The following KCNQ3 variants were observed in gnomAD, a reference collection of about 807,000 sequenced individuals.
KCNQ3 encodes the protein potassium voltage-gated channel subfamily Q member 3.
A neutral mutation model predicts 92.5 loss-of-function variants in KCNQ3; 30 were observed. The observed-to-expected ratio is 0.32, with a 90% CI of 0.24 to 0.44. The LOEUF (loss-of-function observed/expected upper bound fraction) is 0.44. Among genes scored for constraint, KCNQ3 ranks in the 20% least tolerant of loss-of-function variants. The pLI, the probability that KCNQ3 is intolerant of heterozygous loss-of-function variation, is 1.00. For synonymous variants in KCNQ3, 450 were observed against 468.8 expected (o/e 0.96, Z 0.52); for missense variants, 913 against 1,140.3 (o/e 0.80, Z 2.87).
intron 1 of KCNQ3, among the ~76,000 whole-genome samples, chr8:132,449,371 C>T (rs1821768139): frequency 6.6e-6 from 1 of 151,930 alleles, no homozygotes; most frequent in Non-Finnish European, 1.5e-5. Flanking sequence ...CACTGTAGAC[C>T]ACTGTGGTCT....
Position 132,480,670 on chromosome 8 carries a change from ACCCC to A in KCNQ3, c.-142_-139del. ...TGCCATGATCCGCGCGCCCCTCCCC[ACCCC>A]CCCCCAAAAGCAGGCAAAGGCGGGC... On this transcript the variant is annotated 5_prime_UTR_variant, in exon 1 of 15. Transcript: ENST00000388996. 1.4e-6 allele frequency: 1 copy of A among 723,894 alleles called. No homozygotes were observed. The highest frequency in any genetic ancestry group is 1.7e-6 in the Non-Finnish European group (1 of 599,892). The allele number at this position is 723,894 out of a possible 1,614,324, so 44.8% of individuals were successfully genotyped here.
At chr8:132,455,902 T>A (rs1189446629) in intron 1 of KCNQ3, among the ~76,000 whole-genome samples, 3 of 151,894 alleles carry the variant, frequency 2.0e-5, no homozygotes, top group Non-Finnish European at 4.4e-5. Context: ...CCACCAAGCC[T>A]GGCTAATTTT....
Position 132,128,507 on chromosome 8 carries a change from ATG to A in KCNQ3, c.*753_*754del, listed in dbSNP as rs35230760. The A allele has an allele frequency of 0.25, 36,626 of 145,058 alleles. 4,462 individuals are homozygous for A. The highest frequency in any genetic ancestry group is 0.37 in the South Asian group (1,666 of 4,448). 9.0% of individuals were successfully genotyped at this position (145,058 alleles called of 1,614,324 possible). On this transcript the variant is annotated 3_prime_UTR_variant, in exon 15 of 15. Coordinates refer to ENST00000388996, the MANE Select transcript of KCNQ3 (RefSeq NM_004519.4). ...ATTGGAAACTATTTTAACTTTGTGTATGTGTGTGTGTGTGTGTGTGTGTGTGT... is the reference window on the plus strand; with the variant it reads ...ATTGGAAACTATTTTAACTTTGTGTATGTGTGTGTGTGTGTGTGTGTGTGT...
At chr8:132,187,927 AT>A (rs1827051642) in intron 1 of KCNQ3, among the ~76,000 whole-genome samples, 1 of 133,252 alleles carries the variant, frequency 7.5e-6, no homozygotes, top group African/African-American at 3.0e-5. Flanking sequence ...GTTGGTGGTG[AT>A]AGTGATGGTG....
intron 1 of KCNQ3, among the ~76,000 whole-genome samples, chr8:132,199,938 GT>G: frequency 6.7e-6 from 1 of 148,886 alleles, no homozygotes; most frequent in East Asian, 2.0e-4. Flanking sequence ...GTGTAAATAT[GT>G]AAAAGTGCCT....
chr8:132,141,482 C>T, intron 9 of KCNQ3, 151 bp from the exon 10 acceptor site: 3 of 747,956 alleles, frequency 4.0e-6, no homozygotes, highest in South Asian at 1.5e-5. Flanking sequence ...AGCTTGGAAT[C>T]GGACAGGGCG....
intron 12 of KCNQ3, among the ~76,000 whole-genome samples, chr8:132,135,926 C>T (rs947439999): frequency 6.6e-6 from 1 of 151,776 alleles, no homozygotes; most frequent in Non-Finnish European, 1.5e-5. Context: ...TCGAGATCAG[C>T]CTGGCCAGCA....
chr8:132,366,736 T>C (rs776353315), intron 1 of KCNQ3, among the ~76,000 whole-genome samples: 1 of 152,232 alleles, frequency 6.6e-6, no homozygotes, highest in South Asian at 2.1e-4. Flanking sequence ...ATGCTTGTTC[T>C]CTTTATATCA....
chr8:132,393,238 C>A (rs1360533837), intron 1 of KCNQ3, among the ~76,000 whole-genome samples: 2 of 152,206 alleles, frequency 1.3e-5, no homozygotes, highest in Non-Finnish European at 1.5e-5. Flanking sequence ...TCTTCCTAGT[C>A]CTTATCACCA....
At chr8:132,215,098 C>T (rs956785345) in intron 1 of KCNQ3, among the ~76,000 whole-genome samples, 1 of 152,246 alleles carries the variant, frequency 6.6e-6, no homozygotes, top group Non-Finnish European at 1.5e-5. Flanking sequence ...GCAGATGGAG[C>T]CATGCACTCG....
intron 1 of KCNQ3, among the ~76,000 whole-genome samples, chr8:132,362,641 T>C (rs1819203343): frequency 6.6e-6 from 1 of 152,108 alleles, no homozygotes. Flanking sequence ...CCAAGGTACT[T>C]TGACACCAGA....
intron 1 of KCNQ3, among the ~76,000 whole-genome samples, chr8:132,477,081 C>T (rs553191156): frequency 6.6e-6 from 1 of 152,228 alleles, no homozygotes; most frequent in Non-Finnish European, 1.5e-5. Flanking sequence ...CTTCCTCTTC[C>T]CCTTTGCCTT....
chr8:132,439,730 GA>G (rs1388940533), intron 1 of KCNQ3, among the ~76,000 whole-genome samples: 1 of 152,126 alleles, frequency 6.6e-6, no homozygotes, highest in Non-Finnish European at 1.5e-5. Flanking sequence ...TCAAAAGCTG[GA>G]AAAAGCAGGG....
At position 132,284,791 on chromosome 8, in the gene KCNQ3, C is replaced by T. The variant is rs79141187; in HGVS notation, c.387-98610G>A. Reference sequence around the variant, plus strand: ...ATGTGACAATGTTAGGAGCTGGTGCCGTTAAGGGGTGACTAGGTCATTAAC... The same window carrying T: ...ATGTGACAATGTTAGGAGCTGGTGCTGTTAAGGGGTGACTAGGTCATTAAC... On this transcript the variant is annotated intron_variant, in intron 1 of 14. Coordinates refer to ENST00000388996, the MANE Select transcript of KCNQ3 (RefSeq NM_004519.4). Among the ~76,000 whole-genome samples, 825 of 152,286 alleles carry T rather than the reference C, an allele frequency of 5.4e-3. 8 individuals are homozygous for T. Among genetic ancestry groups the T allele is most frequent in the African/African-American group, 0.019 (796 of 41,558 alleles).
At chr8:132,373,328 C>T (rs1019958088) in intron 1 of KCNQ3, among the ~76,000 whole-genome samples, 1 of 152,084 alleles carries the variant, frequency 6.6e-6, no homozygotes, top group Non-Finnish European at 1.5e-5. Flanking sequence ...TAATAAAACA[C>T]CTAACACGCA....
chr8:132,267,234 C>G (rs1347041279), intron 1 of KCNQ3, among the ~76,000 whole-genome samples: 6 of 152,250 alleles, frequency 3.9e-5, no homozygotes. Context: ...AAAAATTCCC[C>G]ATTTAACCAA....
intron 1 of KCNQ3, among the ~76,000 whole-genome samples, chr8:132,427,215 G>A (rs1821135053): frequency 6.6e-6 from 1 of 152,192 alleles, no homozygotes. Flanking sequence ...GCAGGCTGAT[G>A]GCAGAGGTGC....
rs1815828311 is a variant in KCNQ3 at position 132,262,687 on chromosome 8, A to G, written c.387-76506T>C. ...CTCTTGAGGATGGAGACATGAGCTG[A>G]GGAGGGTGGGATCAAAAAACAGAAG... On this transcript the variant is annotated intron_variant, in intron 1 of 14. Transcript: ENST00000388996. 2.7e-5 allele frequency among the ~76,000 whole-genome samples: 4 copies of G among 147,798 alleles called. No homozygotes were observed. In the South Asian group the frequency reaches 8.8e-4, roughly 33 times the overall value.
chr8:132,161,796 T>C (rs1031255969), intron 9 of KCNQ3, among the ~76,000 whole-genome samples: 1 of 152,218 alleles, frequency 6.6e-6, no homozygotes, highest in African/African-American at 2.4e-5. Flanking sequence ...ATTCCTGACA[T>C]TCTGTAGTCA....
Sources: allele counts gnomAD v4.1 joint callset (sites outside exome capture counted in the v4.1 genomes callset), GRCh38; gene constraint gnomAD v4.1.1; transcripts MANE v1.5; gene names NCBI Gene and HGNC (gene_info 2026-07-23, HGNC 2026-07-21).